Variants in ALK observed in about 807,000 individuals in gnomAD.
ALK encodes ALK receptor tyrosine kinase.
In ALK, 74 loss-of-function variants were observed where a neutral mutation model predicts 163.1. The observed-to-expected ratio is 0.45, with a 90% CI of 0.38 to 0.55. The LOEUF is 0.55. Ranked by LOEUF, ALK falls within the 20% of genes least tolerant of loss-of-function variation. The probability of loss-of-function intolerance (pLI) is 0.00; values close to 1 mark genes in which losing one functional copy is unlikely to be tolerated. For missense variants in ALK, 2,063 were observed against 2,105.3 expected (o/e 0.98, Z 0.39); for synonymous variants, 960 against 843.2 (o/e 1.14, Z -2.40).
chr2:29,395,610 C>A (rs1669283806), intron 4 of ALK, among the ~76,000 whole-genome samples: 1 of 152,212 alleles, frequency 6.6e-6, no homozygotes, highest in African/African-American at 2.4e-5. Context: ...CCTTTCTCCC[C>A]CAAGGCAAGC....
intron 4 of ALK, among the ~76,000 whole-genome samples, chr2:29,407,330 T>C (rs532379755): frequency 6.6e-6 from 1 of 152,276 alleles, no homozygotes; most frequent in South Asian, 2.1e-4. Flanking sequence ...TTGTCATTAT[T>C]CACAGTTAAC....
At chr2:29,800,904 G>T (rs72854262) in intron 1 of ALK, among the ~76,000 whole-genome samples, 2 of 152,192 alleles carry the variant, frequency 1.3e-5, no homozygotes. Flanking sequence ...TCAGAGCCAC[G>T]CCGCTAAGCG....
intron 12 of ALK, among the ~76,000 whole-genome samples, chr2:29,240,246 T>G (rs899667862): frequency 6.6e-6 from 1 of 152,114 alleles, no homozygotes; most frequent in African/African-American, 2.4e-5. Flanking sequence ...TTCCTCATTA[T>G]GGTTTTCTCT....
At position 29,193,581 on chromosome 2, in the gene ALK, C is replaced by T. The variant is rs758399865; in HGVS notation, c.4506G>A (p.Leu1502=). ...ACCAGGAGCCGTACGTTGGGTTCCA[C>T]AAGCTGGTGGGCTTGTTTCTGGATC... is the stretch of plus-strand genomic sequence containing the variant. ...VHGSRNKPTS[L]WNPTYGSWFT... The change falls in exon 29 of 29, where the codon TTG becomes TTA. Residue 1502 remains leucine (L), a synonymous_variant. Coordinates refer to ENST00000389048, the MANE Select transcript of ALK (RefSeq NM_004304.5). 36 of 1,614,128 alleles carry T rather than the reference C, an allele frequency of 2.2e-5. No homozygotes were observed. Among genetic ancestry groups the T allele is most frequent in the Non-Finnish European group, 2.6e-5 (31 of 1,180,040 alleles).
chr2:29,357,541 C>T (rs565842418), intron 5 of ALK, among the ~76,000 whole-genome samples: 1 of 152,178 alleles, frequency 6.6e-6, no homozygotes, highest in Non-Finnish European at 1.5e-5. Context: ...CGGCAGATGC[C>T]TTTGTTATTT....
chr2:29,853,907 T>C (rs1456189113), intron 1 of ALK, among the ~76,000 whole-genome samples: 1 of 72,302 alleles, frequency 1.4e-5, no homozygotes, highest in East Asian at 4.5e-4. Context: ...TTCTTTCTTT[T>C]CTTTTCTTTT....
intron 1 of ALK, among the ~76,000 whole-genome samples, chr2:29,752,128 A>G (rs2541189): frequency 0.64 from 98,053 of 152,030 alleles, 36,249 homozygotes; most frequent in Non-Finnish European, 0.82. Context: ...TGACTTTATG[A>G]TGGTGCAAAA....
intron 1 of ALK, among the ~76,000 whole-genome samples, chr2:29,909,576 T>C (rs1667646638): frequency 6.6e-6 from 1 of 152,098 alleles, no homozygotes; most frequent in Non-Finnish European, 1.5e-5. Context: ...TATTAAGTTG[T>C]GCATTCATAC....
At chr2:29,563,659 C>G (rs987582066) in intron 3 of ALK, among the ~76,000 whole-genome samples, 1 of 152,168 alleles carries the variant, frequency 6.6e-6, no homozygotes, top group Admixed American at 6.5e-5. Context: ...CCATGTTGCT[C>G]CTGACCCCCA....
chr2:29,519,419 G>A (rs1262057042), intron 4 of ALK, among the ~76,000 whole-genome samples: 1 of 152,218 alleles, frequency 6.6e-6, no homozygotes, highest in African/African-American at 2.4e-5. Flanking sequence ...AAACAGTCAT[G>A]TAGGATTGTG....
chr2:29,467,576 G>C (rs1421340941), intron 4 of ALK, among the ~76,000 whole-genome samples: 1 of 152,208 alleles, frequency 6.6e-6, no homozygotes, highest in East Asian at 1.9e-4. Context: ...TCTAAGACCA[G>C]AGCTTGGAAT....
intron 1 of ALK, among the ~76,000 whole-genome samples, chr2:29,901,557 C>G (rs1667414764): frequency 6.6e-6 from 1 of 152,178 alleles, no homozygotes; most frequent in Non-Finnish European, 1.5e-5. Flanking sequence ...GGTCTGAAAA[C>G]CCTACTTTAT....
At chr2:29,502,618 G>A (rs1191169118) in intron 4 of ALK, among the ~76,000 whole-genome samples, 1 of 152,110 alleles carries the variant, frequency 6.6e-6, no homozygotes, top group African/African-American at 2.4e-5. Flanking sequence ...GATTAACTTG[G>A]AGGAACAGCA....
intron 3 of ALK, among the ~76,000 whole-genome samples, chr2:29,563,628 G>A (rs1454609890): frequency 2.0e-5 from 3 of 152,152 alleles, no homozygotes; most frequent in Non-Finnish European, 4.4e-5. Flanking sequence ...ACAGTGAAAA[G>A]GAGGCCTAAC....
At chr2:29,530,564 AG>A (rs1294745414) in intron 4 of ALK, among the ~76,000 whole-genome samples, 1 of 152,232 alleles carries the variant, frequency 6.6e-6, no homozygotes, top group Non-Finnish European at 1.5e-5. Context: ...GAGAGTGATA[AG>A]TCAGAATATG....
chr2:29,326,390 G>A (rs982437622), intron 6 of ALK, among the ~76,000 whole-genome samples: 1 of 152,200 alleles, frequency 6.6e-6, no homozygotes. Flanking sequence ...ATCAGGGCAT[G>A]GCCTGCCCGA....
intron 1 of ALK, among the ~76,000 whole-genome samples, chr2:29,834,054 T>C (rs968358004): frequency 1.1e-4 from 17 of 152,182 alleles, no homozygotes; most frequent in African/African-American, 3.1e-4. Context: ...CGAAAGCACT[T>C]TGTAAACTGC....
chr2:29,604,268 G>T (rs1263960706), intron 3 of ALK, among the ~76,000 whole-genome samples: 4 of 149,778 alleles, frequency 2.7e-5, no homozygotes, highest in Non-Finnish European at 5.9e-5. Context: ...GTGTTCATAA[G>T]TAAGGTTTTG....
intron 1 of ALK, among the ~76,000 whole-genome samples, chr2:29,828,840 A>G (rs372776611): frequency 6.6e-6 from 1 of 152,158 alleles, no homozygotes. Context: ...ATTATAAATC[A>G]TGCTGCTATA....
Sources: allele counts gnomAD v4.1 joint callset (sites outside exome capture counted in the v4.1 genomes callset), GRCh38; gene constraint gnomAD v4.1.1; transcripts MANE v1.5; gene names NCBI Gene and HGNC (gene_info 2026-07-23, HGNC 2026-07-21).